PDE1A: variants seen among roughly 807,000 people sequenced by gnomAD.
The protein encoded by PDE1A is dual specificity calcium/calmodulin-dependent 3',5'-cyclic nucleotide phosphodiesterase 1A.
PDE1A carries 35 observed loss-of-function variants against 61.7 expected under a neutral mutation model. That is an observed-to-expected ratio of 0.57 (90% CI 0.43 to 0.75). PDE1A has a LOEUF of 0.75. PDE1A is among the 30% of genes least tolerant of loss of function. The pLI, the probability that PDE1A is intolerant of heterozygous loss-of-function variation, is 0.00. For missense variants in PDE1A, 597 were observed against 630.6 expected (o/e 0.95, Z 0.57); for synonymous variants, 232 against 213.2 (o/e 1.09, Z -0.77).
At chr2:182,358,946 T>C (rs1699349205) in intron 1 of PDE1A, among the ~76,000 whole-genome samples, 4 of 152,134 alleles carry the variant, frequency 2.6e-5, no homozygotes, top group Middle Eastern at 3.4e-3. Context: ...TTCCTTCCAT[T>C]CCCTTTCTTC....
intron 2 of PDE1A, among the ~76,000 whole-genome samples, chr2:182,260,281 G>A (rs1388614919): frequency 1.3e-5 from 2 of 152,122 alleles, no homozygotes; most frequent in South Asian, 2.1e-4. Context: ...TCACGGCATC[G>A]AATTTTCTAT....
chr2:182,146,431 T>C (rs1251320917), downstream of PDE1A, among the ~76,000 whole-genome samples: 1 of 152,140 alleles, frequency 6.6e-6, no homozygotes, highest in Non-Finnish European at 1.5e-5. Context: ...ATTTCTTACA[T>C]GATGTGGAAA....
At chr2:182,201,647 T>TTAAAAAA in intron 9 of PDE1A, 41 bp downstream of exon 9, 3 of 569,374 alleles carry the variant, frequency 5.3e-6, no homozygotes, top group Non-Finnish European at 6.9e-6. Flanking sequence ...AACTTTAACA[T>TTAAAAAA]GACAAAAAAA....
the PDE1A span, among the ~76,000 whole-genome samples, chr2:182,563,240 A>T: frequency 1.3e-5 from 2 of 151,982 alleles, no homozygotes; most frequent in Non-Finnish European, 2.9e-5. Context: ...TGTCCCAGAG[A>T]GTCTGGTATG....
chr2:182,550,541 C>T, the PDE1A span, among the ~76,000 whole-genome samples: 2 of 152,054 alleles, frequency 1.3e-5, no homozygotes, highest in Non-Finnish European at 2.9e-5. Context: ...CCTTTAATTC[C>T]GTTCTACTGA....
intron 1 of PDE1A, among the ~76,000 whole-genome samples, chr2:182,415,846 G>T (rs1702882489): frequency 6.6e-6 from 1 of 152,134 alleles, no homozygotes; most frequent in Non-Finnish European, 1.5e-5. Context: ...ACTCTAAGTA[G>T]CTAAAAACAA....
intron 2 of PDE1A, among the ~76,000 whole-genome samples, chr2:182,475,569 T>G (rs1217176944): frequency 6.6e-6 from 1 of 151,956 alleles, no homozygotes; most frequent in African/African-American, 2.4e-5. Context: ...CAATATATTC[T>G]GGGAGAGCTA....
chr2:182,535,791 AG>A, the PDE1A span, among the ~76,000 whole-genome samples: 2 of 152,158 alleles, frequency 1.3e-5, no homozygotes, highest in Non-Finnish European at 2.9e-5. Flanking sequence ...TATTATTAAG[AG>A]GGCAACGTTA....
intron 1 of PDE1A, among the ~76,000 whole-genome samples, chr2:182,332,427 A>G (rs1042541462): frequency 6.6e-6 from 1 of 152,124 alleles, no homozygotes. Context: ...GGAGGAGAAG[A>G]GAAGTTCTGG....
chr2:182,397,141 T>C (rs1001815694), intron 1 of PDE1A, among the ~76,000 whole-genome samples: 2 of 152,162 alleles, frequency 1.3e-5, no homozygotes, highest in Admixed American at 1.3e-4. Flanking sequence ...CTATTACCTT[T>C]CATTTCAACG....
At chr2:182,644,375 A>T in the PDE1A span, among the ~76,000 whole-genome samples, 91 of 150,592 alleles carry the variant, frequency 6.0e-4, 2 homozygotes, top group South Asian at 0.019. Flanking sequence ...GGAGTTTGGG[A>T]TGGTGGTTTC....
At chr2:182,564,653 A>C in the PDE1A span, among the ~76,000 whole-genome samples, 141 of 152,240 alleles carry the variant, frequency 9.3e-4, 1 homozygote, top group African/African-American at 3.2e-3. Flanking sequence ...AGTGTTTTCC[A>C]ACTTGGTTCC....
the PDE1A span, among the ~76,000 whole-genome samples, chr2:182,569,502 G>A: frequency 4.2e-4 from 64 of 152,128 alleles, 1 homozygote; most frequent in African/African-American, 1.4e-3. Flanking sequence ...CTCCTTGGGC[G>A]TCAAGCAGTA....
chr2:182,581,361 C>T, the PDE1A span, among the ~76,000 whole-genome samples: 1 of 152,056 alleles, frequency 6.6e-6, no homozygotes, highest in Admixed American at 6.6e-5. Context: ...CTCTCTCTTG[C>T]CAAAGAAAAT....
intron 2 of PDE1A, among the ~76,000 whole-genome samples, chr2:182,511,881 C>G (rs1689817782): frequency 6.6e-6 from 1 of 152,172 alleles, no homozygotes; most frequent in Non-Finnish European, 1.5e-5. Flanking sequence ...TGCAGATGGG[C>G]CCCTGCCAGT....
chr2:182,159,570 A>G (rs1691268577), intron 13 of PDE1A, among the ~76,000 whole-genome samples: 1 of 152,208 alleles, frequency 6.6e-6, no homozygotes, highest in African/African-American at 2.4e-5. Context: ...ATATATCAAA[A>G]TCATCTTAAG....
intron 2 of PDE1A, among the ~76,000 whole-genome samples, chr2:182,447,118 T>TACAC (rs143408471): frequency 0.19 from 28,648 of 149,272 alleles, 2,734 homozygotes; most frequent in Middle Eastern, 0.32. Context: ...TTTTTTCACT[T>TACAC]ACACACACAC....
chr2:182,159,060 T>C (rs1168084604), intron 13 of PDE1A, among the ~76,000 whole-genome samples: 1 of 152,208 alleles, frequency 6.6e-6, no homozygotes, highest in Non-Finnish European at 1.5e-5. Flanking sequence ...GTTTGGGCTG[T>C]ATACAGTCTA....
rs111633377 is a variant in PDE1A at position 182,180,082 on chromosome 2, G to A, written c.1516+5810C>T. 1.1e-4 allele frequency among the ~76,000 whole-genome samples: 16 copies of A among 152,240 alleles called. 1 individual carries two copies. The highest frequency in any genetic ancestry group is 3.9e-4 in the East Asian group (2 of 5,190). ...TAATAAAGAAACTTTCATCTTCAGC[G>A]TATAAGACTAGAAGTGGTAGGTACT... On this transcript the variant is annotated intron_variant, in intron 13 of 13. Coordinates refer to ENST00000351439, the Ensembl canonical transcript of PDE1A.
Sources: gnomAD v4.1 joint callset for allele counts (sites outside exome capture counted in the v4.1 genomes callset) on GRCh38, gnomAD v4.1.1 for gene constraint, MANE v1.5 for transcripts, NCBI Gene and HGNC (gene_info 2026-07-23, HGNC 2026-07-21) for gene names.